CPLANE1: variants seen among roughly 807,000 people sequenced by gnomAD.
CPLANE1 encodes the protein ciliogenesis and planar polarity effector complex subunit 1.
CPLANE1 carries 263 observed loss-of-function variants against 362.5 expected under a neutral mutation model. The ratio of observed to expected loss-of-function variants is 0.73; its 90% confidence interval spans 0.66 to 0.80. The LOEUF (loss-of-function observed/expected upper bound fraction) is 0.80. CPLANE1 is among the 30% of genes least tolerant of loss of function. CPLANE1 has a pLI of 0.00. For synonymous variants in CPLANE1, 1,212 were observed against 1,302.6 expected (o/e 0.93, Z 1.50); for missense variants, 3,461 against 3,793.4 (o/e 0.91, Z 2.30).
At chr5:37,174,615 T>C (rs575675092) in intron 31 of CPLANE1, among the ~76,000 whole-genome samples, 2 of 152,082 alleles carry the variant, frequency 1.3e-5, no homozygotes, top group Non-Finnish European at 2.9e-5. Context: ...TCCTCAAACA[T>C]AGCAGATACT....
chr5:37,114,965 T>C lies in CPLANE1; in HGVS notation c.9395A>G (p.Gln3132Arg), dbSNP rs770872753. ...RKATQSPVTF[Q>R]KGSNAPCHSL... ...TTATCTTCTTTATCCCTTACCTTTTTGGAAGGTAACTGGAGACTGCGTAGC... is the reference window on the plus strand; with the variant it reads ...TTATCTTCTTTATCCCTTACCTTTTCGGAAGGTAACTGGAGACTGCGTAGC... Residue 3132 changes from glutamine (Q) to arginine (R), a missense_variant, in exon 51 of 53, where the codon CAA becomes CGA. Transcript: ENST00000651892. 6.9e-6 allele frequency: 11 copies of C among 1,593,288 alleles called. No homozygotes were observed. The African/African-American group carries it at 1.2e-4, about 18-fold the overall frequency.
At position 37,138,850 on chromosome 5, in the gene CPLANE1, T is replaced by G. The variant is rs1416649981; in HGVS notation, c.8664-2A>C. 2 of 1,596,182 alleles carry G rather than the reference T, an allele frequency of 1.3e-6. No individual in the cohort carries two copies. The highest frequency in any genetic ancestry group is 1.7e-6 in the Non-Finnish European group (2 of 1,175,390). ...ATCTGGAGCGGATGTACTGAAACAC[T>G]TCATTTGCAAATGTAATTTAAGAAA... On this transcript the variant is annotated splice_acceptor_variant, in intron 45 of 52. Coordinates refer to ENST00000651892, the MANE Select transcript of CPLANE1 (RefSeq NM_001384732.1). LOFTEE classifies it high-confidence loss of function.
intron 29 of CPLANE1, 97 bp from the exon 30 acceptor site, chr5:37,177,797 G>A (rs1285100331): frequency 1.3e-5 from 11 of 866,188 alleles, no homozygotes; most frequent in Non-Finnish European, 1.9e-5. Context: ...CTTAACCAGA[G>A]TAACAACAGT....
chr5:37,159,820 A>G (rs1168139525), intron 38 of CPLANE1, among the ~76,000 whole-genome samples: 1 of 152,204 alleles, frequency 6.6e-6, no homozygotes, highest in Non-Finnish European at 1.5e-5. Flanking sequence ...TAATGCAGAT[A>G]CATCTTTAAT....
At chr5:37,157,524 A>ATTCCCACAG in intron 40 of CPLANE1, 104 bp from the exon 41 acceptor site, 1 of 1,130,248 alleles carries the variant, frequency 8.8e-7, no homozygotes, top group Non-Finnish European at 1.3e-6. Context: ...GGTAATCCGA[A>ATTCCCACAG]GATTAACAGA....
chr5:37,181,889 G>C (rs1782749105), intron 26 of CPLANE1, among the ~76,000 whole-genome samples: 1 of 151,674 alleles, frequency 6.6e-6, no homozygotes, highest in African/African-American at 2.4e-5. Flanking sequence ...TCAGGAGTTT[G>C]AGACCACCCT....
intron 1 of CPLANE1, among the ~76,000 whole-genome samples, chr5:37,248,328 C>T (rs1174884467): frequency 6.6e-6 from 1 of 151,948 alleles, no homozygotes; most frequent in South Asian, 2.1e-4. Flanking sequence ...CCGGGTTTCA[C>T]CATGTTGGCC....
In CPLANE1 at chr5:37,211,172, G is replaced by A. The variant is rs182309035; in HGVS notation, c.2920+2387C>T. 300 of 1,305,608 alleles carry A rather than the reference G, an allele frequency of 2.3e-4. 2 individuals carry two copies. In the East Asian group the frequency reaches 5.8e-3, roughly 25 times the overall value. The allele number at this position is 1,305,608 out of a possible 1,614,324, so 80.9% of individuals were successfully genotyped here. A position where few individuals can be genotyped will look rare whatever the true frequency, so the allele number is the denominator to read the frequency against. On this transcript the variant is annotated intron_variant, in intron 16 of 52. Coordinates refer to ENST00000651892, the MANE Select transcript of CPLANE1 (RefSeq NM_001384732.1). ...AACAGGAAAAAGTTCTAGCAGGTAC[G>A]GTTGCATCAAGGATCACAAATTATC... is the stretch of plus-strand genomic sequence containing the variant.
At chr5:37,141,021 A>AC in intron 44 of CPLANE1, 2 of 985,414 alleles carry the variant, frequency 2.0e-6, no homozygotes, top group African/African-American at 3.5e-5. Context: ...GCAACACTAA[A>AC]CAACCACGTT....
chr5:37,146,801 G>A (rs1420752609), intron 43 of CPLANE1, among the ~76,000 whole-genome samples: 1 of 152,006 alleles, frequency 6.6e-6, no homozygotes, highest in Non-Finnish European at 1.5e-5. Flanking sequence ...TATTAAAATA[G>A]TGTAGAAATT....
chr5:37,225,614 G>C (rs1478489854), intron 12 of CPLANE1, among the ~76,000 whole-genome samples: 1 of 152,068 alleles, frequency 6.6e-6, no homozygotes, highest in Admixed American at 6.5e-5. Flanking sequence ...CACTTTGGGA[G>C]GCTGAAGCGG....
chr5:37,157,224 G>T (rs1775379948), intron 41 of CPLANE1, 89 bp downstream of exon 41: 5 of 629,512 alleles, frequency 7.9e-6, no homozygotes, highest in Admixed American at 5.2e-5. Context: ...CCTTTTTCTG[G>T]TTTCTTTTGC....
intron 46 of CPLANE1, among the ~76,000 whole-genome samples, chr5:37,133,504 GTGTGTGTGTGTGTGTGTA>G (rs1263703693): frequency 2.6e-5 from 4 of 151,752 alleles, no homozygotes; most frequent in African/African-American, 4.8e-5. Flanking sequence ...AGAGGTGTGT[GTGTGTGTGTGTGTGTGTA>G]TGTGTGTGTG....
At chr5:37,232,166 A>C (rs1358610210) in intron 8 of CPLANE1, among the ~76,000 whole-genome samples, 1 of 152,178 alleles carries the variant, frequency 6.6e-6, no homozygotes, top group Non-Finnish European at 1.5e-5. Context: ...ATCCCAAATC[A>C]ACACTTATGT....
chr5:37,183,103 C>G lies in CPLANE1; in HGVS notation c.5078G>C (p.Arg1693Thr). The part of the protein sequence containing the change: ...RSIYKIQDDT[R>T]EKCLIQRSSN... ...TGATCTCTGGATTAGACATTTCTCT[C>G]TAGTGTCATCTTGTATTTTGTAAAT... Residue 1693 changes from arginine to threonine, a missense_variant, in exon 26 of 53, where the codon AGA becomes ACA. By Grantham distance (71) the Arg-to-Thr change is moderately conservative. This residue lies in a region of CPLANE1 where 3,380 missense variants were observed against 3,666.1 expected (regional missense o/e 0.92). Coordinates refer to ENST00000651892, the MANE Select transcript of CPLANE1 (RefSeq NM_001384732.1). The G allele has an allele frequency of 6.2e-7, 1 of 1,613,270 alleles. No homozygotes were observed. The highest frequency in any genetic ancestry group is 8.5e-7 in the Non-Finnish European group (1 of 1,179,776).
chr5:37,199,195 G>A lies in CPLANE1; in HGVS notation c.3508-329C>T, dbSNP rs140378126. 5.6e-3 allele frequency among the ~76,000 whole-genome samples: 852 copies of A among 151,824 alleles called. 11 individuals are homozygous for A. Among genetic ancestry groups the A allele is most frequent in the African/African-American group, 0.019 (807 of 41,394 alleles). On this transcript the variant is annotated intron_variant, in intron 19 of 52. Transcript: ENST00000651892. ...ATTTATAAAGGAAATTCTGAGGCACGGGCTCTGAGATTTCAACTATGGCTA... is the reference window on the plus strand; with the variant it reads ...ATTTATAAAGGAAATTCTGAGGCACAGGCTCTGAGATTTCAACTATGGCTA...
At chr5:37,248,084 A>G (rs1349433569) in intron 1 of CPLANE1, among the ~76,000 whole-genome samples, 1 of 145,968 alleles carries the variant, frequency 6.9e-6, no homozygotes, top group Non-Finnish European at 1.5e-5. Context: ...TCCACTGCGC[A>G]TGGACCACTG....
chr5:37,244,653 T>TC, intron 4 of CPLANE1, 46 bp from the exon 5 acceptor site: 8 of 1,059,834 alleles, frequency 7.5e-6, no homozygotes, highest in Non-Finnish European at 6.8e-6. Context: ...AAGTCTGAAT[T>TC]CCCCCCAATA....
At chr5:37,114,531 C>T (rs1760330823) in intron 51 of CPLANE1, among the ~76,000 whole-genome samples, 1 of 152,194 alleles carries the variant, frequency 6.6e-6, no homozygotes, top group South Asian at 2.1e-4. Flanking sequence ...CTTCTCTGAA[C>T]CACTGCAGCG....
Sources: gnomAD v4.1 joint callset for allele counts (sites outside exome capture counted in the v4.1 genomes callset) on GRCh38, gnomAD v4.1.1 for gene constraint, gnomAD v4.1.1 regional missense constraint, MANE v1.5 for transcripts, NCBI Gene and HGNC (gene_info 2026-07-23, HGNC 2026-07-21) for gene names.